RPE65: variants seen among roughly 807,000 people sequenced by gnomAD.
RPE65 encodes the protein retinoid isomerohydrolase.
RPE65 carries 58 observed loss-of-function variants against 68.5 expected under a neutral mutation model. The ratio of observed to expected loss-of-function variants is 0.85; its 90% confidence interval spans 0.69 to 1.05. RPE65 has a LOEUF of 1.05. Among genes scored for constraint, RPE65 ranks in the 50% least tolerant of loss-of-function variants. RPE65 has a pLI of 0.00. For synonymous variants in RPE65, 220 were observed against 222.2 expected (o/e 0.99, Z 0.09); for missense variants, 643 against 629.9 (o/e 1.02, Z -0.22).
At position 68,446,718 on chromosome 1, in the gene RPE65, G is replaced by A. The variant is rs371095928; in HGVS notation, c.237C>T (p.Tyr79=). ...ATGGAGTGCTGCTTTACCTTCTGTG[G>A]TATGTGACATGTCCTTCTTTAAAGT... ...KFDFKEGHVT[Y]HRRFIRTDAY... is the part of the protein sequence containing the mutation. Residue 79 remains tyrosine, a synonymous_variant, in exon 3 of 14, where the codon TAC becomes TAT. Transcript: ENST00000262340. 1.6e-5 allele frequency: 26 copies of A among 1,614,060 alleles called. No homozygotes were observed. In the African/African-American group the frequency reaches 3.2e-4, roughly 20 times the overall value.
Position 68,446,880 on chromosome 1 carries a change from GAACATT to G in RPE65, c.95-26_95-21del. The G allele has an allele frequency of 6.2e-7, 1 of 1,612,788 alleles. No homozygotes were observed. Among genetic ancestry groups the G allele is most frequent in the Admixed American group, 1.7e-5 (1 of 60,024 alleles). On this transcript the variant is annotated intron_variant, in intron 2 of 13. Transcript: ENST00000262340. The stretch of plus-strand genomic sequence containing the variant: ...TCCTGCCTGTGATGAAGGGGAGACA[GAACATT>G]GCTTCTTATCCCTGCCTTGGGCTAG...
Position 68,439,591 on chromosome 1 carries a change from C to T in RPE65, c.695G>A (p.Ser232Asn). Residue 232 changes from serine to asparagine, a missense_variant, in exon 7 of 14, where the codon AGT (serine) becomes AAT (asparagine). Coordinates refer to ENST00000262340, the MANE Select transcript of RPE65 (RefSeq NM_000329.3). ...KSEIVVQFPCSDRFKPSYVHS... is the reference protein window; with the variant it reads ...KSEIVVQFPCNDRFKPSYVHS... ...AACGTAAGATGGCTTGAATCGGTCA[C>T]TGCAGGGGAATTGTACAACGATCTC... The T allele has an allele frequency of 6.2e-7, 1 of 1,613,924 alleles. No homozygotes were observed.
chr1:68,445,484 T>A (rs1645936514), intron 3 of RPE65, among the ~76,000 whole-genome samples: 1 of 152,116 alleles, frequency 6.6e-6, no homozygotes, highest in African/African-American at 2.4e-5. Flanking sequence ...GGAGAGCCAG[T>A]TAAAATCTGA....
chr1:68,435,337 A>G (rs2100813106), intron 10 of RPE65, among the ~76,000 whole-genome samples: 1 of 152,150 alleles, frequency 6.6e-6, no homozygotes, highest in Non-Finnish European at 1.5e-5. Flanking sequence ...GCAAATTTTA[A>G]ATGTTTCTTT....
At chr1:68,434,078 C>T (rs1048830717) in intron 10 of RPE65, among the ~76,000 whole-genome samples, 1 of 141,544 alleles carries the variant, frequency 7.1e-6, no homozygotes, top group Non-Finnish European at 1.5e-5. Context: ...GTGGCAAAGT[C>T]GAGGGCATGA....
rs878853372 is a variant in RPE65, at chr1:68,439,325, T to A, written c.726-2A>T. ...ATATAGTTGGGAGTCAGACCAAAACTGTTCAGAAACACAAATGGGCTTGTG... is the reference window on the plus strand; with the variant it reads ...ATATAGTTGGGAGTCAGACCAAAACAGTTCAGAAACACAAATGGGCTTGTG... On this transcript the variant is annotated splice_acceptor_variant, in intron 7 of 13. Coordinates refer to ENST00000262340, the MANE Select transcript of RPE65 (RefSeq NM_000329.3). LOFTEE classifies it high-confidence loss of function. The A allele has an allele frequency of 1.9e-6, 3 of 1,613,238 alleles. No homozygotes were observed. The highest frequency in any genetic ancestry group is 2.5e-6 in the Non-Finnish European group (3 of 1,179,940).
intron 10 of RPE65, among the ~76,000 whole-genome samples, chr1:68,435,032 C>T (rs1325872205): frequency 6.6e-6 from 1 of 152,172 alleles, no homozygotes; most frequent in African/African-American, 2.4e-5. Flanking sequence ...ACTCTATTCC[C>T]TTAGAGATCA....
At chr1:68,434,541 G>A (rs916065764) in intron 10 of RPE65, among the ~76,000 whole-genome samples, 1 of 152,024 alleles carries the variant, frequency 6.6e-6, no homozygotes, top group Non-Finnish European at 1.5e-5. Flanking sequence ...AGGGACTCGA[G>A]GTACTTAGTG....
Position 68,439,091 on chromosome 1 carries a change from T to C in RPE65, c.859-10A>G, listed in dbSNP as rs752810906. ...CAATATGAAGCCAAACCTTGAAAAA[T>C]GAGGAAAATATTTTGATGCATTTAA... On this transcript the variant is annotated splice_polypyrimidine_tract_variant and intron_variant, in intron 8 of 13. Transcript: ENST00000262340. The C allele has an allele frequency of 2.2e-5, 35 of 1,613,764 alleles. No individual in the cohort carries two copies. Among genetic ancestry groups the C allele is most frequent in the Non-Finnish European group, 1.1e-5 (13 of 1,179,986 alleles).
At chr1:68,446,427 G>A (rs938047349) in intron 3 of RPE65, among the ~76,000 whole-genome samples, 12 of 152,094 alleles carry the variant, frequency 7.9e-5, no homozygotes, top group Admixed American at 2.6e-4. Flanking sequence ...AAGAATTGGA[G>A]GTCAACATCT....
rs61752896 is a variant in RPE65 at position 68,439,571 on chromosome 1, A to C, written c.715T>G (p.Tyr239Asp). 6.8e-6 allele frequency: 11 copies of C among 1,613,840 alleles called. No homozygotes were observed. The highest frequency in any genetic ancestry group is 9.3e-6 in the Non-Finnish European group (11 of 1,179,800). Residue 239 changes from tyrosine to aspartate, a missense_variant, in exon 7 of 14, where the codon TAC becomes GAC. Tyr to Asp is a radical substitution (Grantham distance 160). Coordinates refer to ENST00000262340, the MANE Select transcript of RPE65 (RefSeq NM_000329.3). Reference protein sequence around the residue: ...FPCSDRFKPSYVHSFGLTPNY... With the variant: ...FPCSDRFKPSDVHSFGLTPNY... ...AGGCCTTCAAGTTACCTATGAACGT[A>C]AGATGGCTTGAATCGGTCACTGCAG...
At chr1:68,434,841 G>T (rs1465513741) in intron 10 of RPE65, among the ~76,000 whole-genome samples, 1 of 152,064 alleles carries the variant, frequency 6.6e-6, no homozygotes, top group Non-Finnish European at 1.5e-5. Context: ...GTAGCTCACT[G>T]TAACTTTGAA....
At chr1:68,449,756 A>C in intron 1 of RPE65, 139 bp downstream of exon 1, 1 of 998,894 alleles carries the variant, frequency 1.0e-6, no homozygotes, top group Middle Eastern at 2.8e-4. Context: ...CATAAGCAGG[A>C]AAAAATTTCC....
Position 68,444,746 on chromosome 1 carries a change from T to G in RPE65, c.353+30A>C, listed in dbSNP as rs546090697. On this transcript the variant is annotated intron_variant, in intron 4 of 13. Coordinates refer to ENST00000262340, the MANE Select transcript of RPE65 (RefSeq NM_000329.3). ...AGAAAAAGGGCTAATATAAAATGTCTTGAGTAACATTCAGTTTGGGTTCAG... is the reference window on the plus strand; with the variant it reads ...AGAAAAAGGGCTAATATAAAATGTCGTGAGTAACATTCAGTTTGGGTTCAG... The G allele has an allele frequency of 5.0e-6, 8 of 1,613,938 alleles. No homozygotes were observed. The African/African-American group carries it at 1.1e-4, about 21-fold the overall frequency.
chr1:68,434,798 T>C (rs1645849480), intron 10 of RPE65, among the ~76,000 whole-genome samples: 1 of 152,098 alleles, frequency 6.6e-6, no homozygotes. Context: ...GATGGGGTCT[T>C]GTTCTTTTCC....
intron 2 of RPE65, 43 bp downstream of exon 2, chr1:68,448,581 G>C (rs766786856): frequency 7.0e-6 from 11 of 1,564,736 alleles, no homozygotes; most frequent in Non-Finnish European, 2.6e-6. Context: ...AGAGAAGAGA[G>C]ACTGACATAA....
In RPE65 at chr1:68,431,491, A is replaced by G. The variant is rs62636298; in HGVS notation, c.1223T>C (p.Leu408Pro). 1.2e-6 allele frequency: 2 copies of G among 1,613,852 alleles called. No individual in the cohort carries two copies. The highest frequency in any genetic ancestry group is 2.7e-5 in the African/African-American group (2 of 74,908). ...CTCACCTTGACGAGGCCCTGAAAAG[A>G]GAACTTCAGGCTCCAGCCAGATAGT... is the stretch of plus-strand genomic sequence containing the variant. ...DETIWLEPEV[L>P]FSGPRQAFEF... Residue 408 changes from leucine (L) to proline (P), a missense_variant, in exon 11 of 14, where the codon CTC (leucine) becomes CCC (proline). Coordinates refer to ENST00000262340, the MANE Select transcript of RPE65 (RefSeq NM_000329.3).
At chr1:68,435,046 A>G (rs1645851302) in intron 10 of RPE65, among the ~76,000 whole-genome samples, 1 of 152,052 alleles carries the variant, frequency 6.6e-6, no homozygotes, top group Non-Finnish European at 1.5e-5. Flanking sequence ...GAGATCACCA[A>G]ACCTAGTGCT....
At chr1:68,449,130 C>T (rs567602047) in intron 1 of RPE65, among the ~76,000 whole-genome samples, 1 of 152,286 alleles carries the variant, frequency 6.6e-6, no homozygotes, top group Admixed American at 6.5e-5. Context: ...ACCCTATCAA[C>T]ATGCTCAGCT....
Sources: gnomAD v4.1 joint callset for allele counts (sites outside exome capture counted in the v4.1 genomes callset) on GRCh38, gnomAD v4.1.1 for gene constraint, MANE v1.5 for transcripts, NCBI Gene and HGNC (gene_info 2026-07-23, HGNC 2026-07-21) for gene names.